Variants in DMD observed in about 807,000 individuals in gnomAD.
The protein encoded by DMD is dystrophin.
DMD carries 63 observed loss-of-function variants against 330.1 expected under a neutral mutation model. That is an observed-to-expected ratio of 0.19 (90% CI 0.16 to 0.24). The LOEUF (loss-of-function observed/expected upper bound fraction) is 0.24, where lower values mean the gene tolerates loss of function less well. Among genes scored for constraint, DMD ranks in the 10% least tolerant of loss-of-function variants. DMD has a pLI of 1.00. For synonymous variants in DMD, 1,223 were observed against 959.8 expected (o/e 1.27, Z -5.07); for missense variants, 3,344 against 2,684.1 (o/e 1.25, Z -5.43).
At chrX:32,763,345 TTTATAG>T (rs1350891824) in intron 7 of DMD, among the ~76,000 whole-genome samples, 1 of 112,134 alleles carries the variant, frequency 8.9e-6, no homozygotes, top group Non-Finnish European at 1.9e-5. Flanking sequence ...TGCAAAAATA[TTTATAG>T]TTATGTTTTA....
Position 31,559,513 on chromosome X carries a change from C to T in DMD, c.8218-52060G>A, listed in dbSNP as rs1366104249. On this transcript the variant is annotated intron_variant, in intron 55 of 78. Transcript: ENST00000357033. ...AAAATTAGCTGGGCATGGTGGCGCG[C>T]GCCTGTAGTCCCAGCTACACGGGAG... Among the ~76,000 whole-genome samples the T allele has an allele frequency of 1.4e-4, 12 of 88,813 alleles. 2 individuals are homozygous for T. The highest frequency in any genetic ancestry group is 1.0e-3 in the South Asian group (2 of 1,920). The allele number at this position is 88,813 out of a possible 115,157, so 77.1% of individuals were successfully genotyped here. A position where few individuals can be genotyped will look rare whatever the true frequency, so the allele number is the denominator to read the frequency against.
intron 1 of DMD, among the ~76,000 whole-genome samples, 200 bp from the exon 2 acceptor site, chrX:33,020,400 G>A (rs760495719): frequency 1.2e-4 from 14 of 112,063 alleles, no homozygotes; most frequent in African/African-American, 3.9e-4. Flanking sequence ...ATGGCCAGGC[G>A]CGGTGGCTCA....
chrX:32,505,288 T>C (rs115188396), intron 18 of DMD, among the ~76,000 whole-genome samples: 3 of 112,310 alleles, frequency 2.7e-5, no homozygotes, highest in African/African-American at 6.5e-5. Flanking sequence ...AGAATTCTTA[T>C]CCGAAATACA....
rs1211184191 is a variant in DMD at position 32,452,403 on chromosome X, A to AGGGAAG, written c.3603+2258_3603+2259insCTTCCC. Among the ~76,000 whole-genome samples the AGGGAAG allele has an allele frequency of 4.8e-4, 4 of 8,294 alleles. 1 individual carries two copies. The highest frequency in any genetic ancestry group is 1.1e-3 in the Non-Finnish European group (4 of 3,504). The allele number at this position is 8,294 out of a possible 115,157, so 7.2% of individuals were successfully genotyped here. On this transcript the variant is annotated intron_variant, in intron 26 of 78. Transcript: ENST00000357033. ...AAAGGGAAAGGGAAAGGGAAGGGAA[A>AGGGAAG]GGAAAGGGAAAGGGAAAGGGAAAGG... is the stretch of plus-strand genomic sequence containing the variant.
intron 21 of DMD, among the ~76,000 whole-genome samples, chrX:32,474,704 G>T (rs1410673646): frequency 1.8e-5 from 2 of 110,679 alleles, no homozygotes; most frequent in African/African-American, 6.6e-5. Flanking sequence ...CTTTTTGATG[G>T]GATTGTATTT....
intron 51 of DMD, among the ~76,000 whole-genome samples, chrX:31,741,267 T>G (rs143647241): frequency 7.1e-5 from 8 of 111,995 alleles, no homozygotes; most frequent in African/African-American, 2.6e-4. Context: ...TATTTTGACC[T>G]CCTCCCCTCA....
chrX:32,810,355 T>A (rs1039884643), intron 6 of DMD, among the ~76,000 whole-genome samples: 2 of 111,179 alleles, frequency 1.8e-5, no homozygotes, highest in East Asian at 5.7e-4. Flanking sequence ...TCCCTAAACT[T>A]CAAATTATAG....
chrX:31,493,566 T>A (rs749211212), intron 57 of DMD, among the ~76,000 whole-genome samples: 1 of 110,108 alleles, frequency 9.1e-6, no homozygotes, highest in Non-Finnish European at 1.9e-5. Flanking sequence ...GGAGGCAGTA[T>A]GGCTGGCATC....
chrX:32,953,280 A>G (rs2091370412), intron 2 of DMD, among the ~76,000 whole-genome samples: 1 of 111,546 alleles, frequency 9.0e-6, no homozygotes, highest in Non-Finnish European at 1.9e-5. Context: ...ATAATGCAAA[A>G]TGAGCACTGG....
At chrX:31,691,485 G>A (rs1033938394) in intron 52 of DMD, among the ~76,000 whole-genome samples, 1 of 111,529 alleles carries the variant, frequency 9.0e-6, no homozygotes, top group Non-Finnish European at 1.9e-5. Flanking sequence ...AAGGCATAGA[G>A]TGGTTGAGTG....
chrX:33,172,304 C>A (rs1162556264), intron 1 of DMD, among the ~76,000 whole-genome samples: 1 of 111,276 alleles, frequency 9.0e-6, no homozygotes, highest in Non-Finnish European at 1.9e-5. Flanking sequence ...CATAGACAGG[C>A]AACTTTTCAA....
At chrX:32,594,607 C>A (rs745923688) in intron 13 of DMD, among the ~76,000 whole-genome samples, 1 of 111,330 alleles carries the variant, frequency 9.0e-6, no homozygotes, top group South Asian at 3.8e-4. Flanking sequence ...TCCACAGTCT[C>A]TGAAGCTACC....
chrX:33,045,201 C>T (rs1350604567), intron 1 of DMD, among the ~76,000 whole-genome samples: 1 of 110,095 alleles, frequency 9.1e-6, no homozygotes, highest in Non-Finnish European at 1.9e-5. Context: ...GATTGTAAAC[C>T]TGAGGCAATA....
chrX:32,657,555 AC>A (rs1284308131), intron 9 of DMD, among the ~76,000 whole-genome samples: 1 of 111,713 alleles, frequency 9.0e-6, no homozygotes, highest in African/African-American at 3.3e-5. Flanking sequence ...AAAATGGGAT[AC>A]CCAGTAAACA....
At chrX:32,636,556 C>G (rs1189051565) in intron 11 of DMD, among the ~76,000 whole-genome samples, 1 of 112,278 alleles carries the variant, frequency 8.9e-6, no homozygotes, top group East Asian at 2.8e-4. Context: ...TGTCCTCCAT[C>G]CATATAGCTG....
rs113030035 is a variant in DMD, at chrX:31,650,110, C to CT, written c.8027+7879dup. ...CAAGTAGCTGGGACTACAAACTTGG[C>CT]TTTTTTTTTTTTTTTTTTATGTTTT... On this transcript the variant is annotated intron_variant, in intron 54 of 78. Coordinates refer to ENST00000357033, the MANE Select transcript of DMD (RefSeq NM_004006.3). 7.1e-3 allele frequency among the ~76,000 whole-genome samples: 610 copies of CT among 85,752 alleles called. 7 individuals are homozygous for CT. The highest frequency in any genetic ancestry group is 0.017 in the African/African-American group (394 of 22,999). The allele number at this position is 85,752 out of a possible 115,157, so 74.5% of individuals were successfully genotyped here. A position where few individuals can be genotyped will look rare whatever the true frequency, so the allele number is the denominator to read the frequency against.
At chrX:32,117,914 G>T (rs377740247) in intron 44 of DMD, among the ~76,000 whole-genome samples, 1 of 111,399 alleles carries the variant, frequency 9.0e-6, no homozygotes, top group East Asian at 2.8e-4. Context: ...GAGAGGCTGG[G>T]CAGAACAGAA....
chrX:31,693,898 A>AT (rs1306719940), intron 52 of DMD, among the ~76,000 whole-genome samples: 2 of 111,788 alleles, frequency 1.8e-5, no homozygotes, highest in African/African-American at 6.5e-5. Flanking sequence ...TCTTTATAGA[A>AT]TTTTTTTTAA....
intron 7 of DMD, among the ~76,000 whole-genome samples, chrX:32,772,885 G>A (rs1000765581): frequency 2.8e-5 from 3 of 108,335 alleles, no homozygotes; most frequent in Non-Finnish European, 5.6e-5. Context: ...TTAAGCTCAA[G>A]TAGATTTACA....
Sources: allele counts gnomAD v4.1 joint callset (sites outside exome capture counted in the v4.1 genomes callset), GRCh38; gene constraint gnomAD v4.1.1; transcripts MANE v1.5; gene names NCBI Gene and HGNC (gene_info 2026-07-23, HGNC 2026-07-21).